The following NEK4 variants were observed in gnomAD, a reference collection of about 807,000 sequenced individuals.
The protein encoded by NEK4 is serine/threonine-protein kinase Nek4.
NEK4 carries 86 observed loss-of-function variants against 98.4 expected under a neutral mutation model. The observed-to-expected ratio is 0.87, with a 90% confidence interval of 0.73 to 1.05. The LOEUF (loss-of-function observed/expected upper bound fraction) is 1.05, where lower values mean the gene tolerates loss of function less well. NEK4 is among the 50% of genes least tolerant of loss of function. NEK4 has a pLI of 0.00. For synonymous variants in NEK4, 328 were observed against 342.2 expected (o/e 0.96, Z 0.46); for missense variants, 898 against 950.3 (o/e 0.94, Z 0.72).
chr3:52,724,858 T>C (rs1423525702), intron 15 of NEK4, among the ~76,000 whole-genome samples: 2 of 152,350 alleles, frequency 1.3e-5, no homozygotes, highest in Admixed American at 6.5e-5. Context: ...GTGACAGATA[T>C]GTTGATTAGC....
intron 15 of NEK4, among the ~76,000 whole-genome samples, chr3:52,718,908 C>T (rs1191097314): frequency 6.6e-6 from 1 of 152,186 alleles, no homozygotes; most frequent in Non-Finnish European, 1.5e-5. Context: ...TAGGCATGCC[C>T]CACCACGCCT....
chr3:52,746,626 A>G, intron 9 of NEK4, 108 bp downstream of exon 9: 1 of 968,672 alleles, frequency 1.0e-6, no homozygotes, highest in Non-Finnish European at 1.6e-6. Context: ...ACCCTTCTGT[A>G]TTATGTTCCT....
intron 6 of NEK4, chr3:52,754,631 G>A (rs1578684628): frequency 1.3e-6 from 1 of 775,616 alleles, no homozygotes. Context: ...TCGCCGGCCT[G>A]TCATAGGTAA....
At chr3:52,723,502 A>C (rs1201022267) in intron 15 of NEK4, among the ~76,000 whole-genome samples, 1 of 152,166 alleles carries the variant, frequency 6.6e-6, no homozygotes, top group East Asian at 1.9e-4. Context: ...TCAGCCTCCC[A>C]AAGTGCTGGG....
rs955955778 is a variant in NEK4 at position 52,710,191 on chromosome 3, T to TCTC, written c.*1583_*1585dup. 1 of 147,226 alleles carries TCTC rather than the reference T, an allele frequency of 6.8e-6. No individual in the cohort carries two copies. The highest frequency in any genetic ancestry group is 2.5e-5 in the African/African-American group (1 of 40,758). The allele number at this position is 147,226 out of a possible 1,614,324, so 9.1% of individuals were successfully genotyped here. Reference sequence around the variant, plus strand: ...TCCTGGCTAACACGGTGAAACCCTGTCTCTACTAAAAAAATACAAAAAAAT... The same window carrying TCTC: ...TCCTGGCTAACACGGTGAAACCCTGTCTCCTCTACTAAAAAAATACAAAAAAAT... On this transcript the variant is annotated 3_prime_UTR_variant, in exon 16 of 16. Coordinates refer to ENST00000233027, the MANE Select transcript of NEK4 (RefSeq NM_003157.6).
chr3:52,751,991 T>C lies in NEK4; in HGVS notation c.1309A>G (p.Lys437Glu), dbSNP rs1358915870. The change falls in exon 7 of 16, where the codon AAG (lysine) becomes GAG (glutamate). Residue 437 changes from lysine (K) to glutamate (E), a missense_variant. Lys to Glu is a moderately conservative substitution (Grantham distance 56). Transcript: ENST00000233027. The part of the protein sequence containing the change: ...MWSSDIVTGE[K>E]NEPVKPLQPL... ...TGCAGAGGCTTCACTGGTTCATTCT[T>C]TTCCCCAGTGACAATGTCAGAGGAC... is the stretch of plus-strand genomic sequence containing the variant. 1.9e-6 allele frequency: 3 copies of C among 1,614,132 alleles called. No individual in the cohort carries two copies. Among genetic ancestry groups the C allele is most frequent in the Non-Finnish European group, 2.5e-6 (3 of 1,179,992 alleles).
chr3:52,752,933 T>TACAC (rs71087017), intron 6 of NEK4, among the ~76,000 whole-genome samples: 4 of 75,574 alleles, frequency 5.3e-5, no homozygotes, highest in South Asian at 3.2e-4. Context: ...TATATATATA[T>TACAC]ACACACACAC....
intron 15 of NEK4, chr3:52,733,581 C>A: frequency 2.0e-6 from 1 of 512,622 alleles, no homozygotes; most frequent in South Asian, 1.4e-5. Context: ...TCAAATAATT[C>A]ATAGTACAGA....
chr3:52,714,150 G>A (rs1168877136), intron 15 of NEK4, among the ~76,000 whole-genome samples: 3 of 152,182 alleles, frequency 2.0e-5, no homozygotes, highest in Non-Finnish European at 4.4e-5. Context: ...GTGGGAGAAT[G>A]ACTTGAGCTG....
At chr3:52,729,180 T>A (rs944713059) in intron 15 of NEK4, among the ~76,000 whole-genome samples, 3 of 152,124 alleles carry the variant, frequency 2.0e-5, no homozygotes, top group Non-Finnish European at 1.5e-5. Flanking sequence ...AAATCCTTAA[T>A]AAAAACTTGC....
At chr3:52,749,981 C>T (rs1020068766) in intron 7 of NEK4, among the ~76,000 whole-genome samples, 152 bp from the exon 8 acceptor site, 3 of 152,104 alleles carry the variant, frequency 2.0e-5, no homozygotes, top group African/African-American at 7.2e-5. Context: ...AAACTGGAAC[C>T]CTCATATATT....
At position 52,710,676 on chromosome 3, in the gene NEK4, C is replaced by G. The variant is rs1451603843; in HGVS notation, c.*1101G>C. ...ACTAGGGAGGCTCAGGCAGGAATAC[C>G]ACTTGAGCCCCAGAAGTGGAGGTTG... On this transcript the variant is annotated 3_prime_UTR_variant, in exon 16 of 16. Transcript: ENST00000233027. 1 of 151,900 alleles carries G rather than the reference C, an allele frequency of 6.6e-6. No homozygotes were observed. The highest frequency in any genetic ancestry group is 1.5e-5 in the Non-Finnish European group (1 of 67,998). The allele number at this position is 151,900 out of a possible 1,614,324, so 9.4% of individuals were successfully genotyped here. A position where few individuals can be genotyped will look rare whatever the true frequency, so the allele number is the denominator to read the frequency against.
At chr3:52,753,903 C>T (rs755162681) in intron 6 of NEK4, 5 of 348,610 alleles carry the variant, frequency 1.4e-5, no homozygotes, top group South Asian at 2.3e-5. Context: ...GGCGCGGTGG[C>T]TCACACCTAT....
intron 5 of NEK4, among the ~76,000 whole-genome samples, chr3:52,761,186 G>C (rs973606623): frequency 6.6e-6 from 1 of 152,100 alleles, no homozygotes; most frequent in African/African-American, 2.4e-5. Flanking sequence ...ACTATATCCT[G>C]GATTGGATCC....
chr3:52,748,279 TA>T (rs1183412138), intron 8 of NEK4, among the ~76,000 whole-genome samples: 6 of 152,112 alleles, frequency 3.9e-5, no homozygotes, highest in Non-Finnish European at 7.4e-5. Context: ...AATTTTTTAA[TA>T]AATTAAAAAG....
intron 15 of NEK4, among the ~76,000 whole-genome samples, chr3:52,730,887 G>A (rs560879259): frequency 7.8e-4 from 118 of 152,236 alleles, no homozygotes; most frequent in African/African-American, 2.6e-3. Context: ...GTGGGGGCAG[G>A]AAATGGGGAA....
chr3:52,758,988 G>A (rs1421415010), intron 6 of NEK4, among the ~76,000 whole-genome samples: 7 of 151,660 alleles, frequency 4.6e-5, no homozygotes, highest in Non-Finnish European at 1.0e-4. Flanking sequence ...TAATCGGAAG[G>A]CTGAGGTAGG....
At chr3:52,736,924 T>C (rs1473095554) in intron 15 of NEK4, among the ~76,000 whole-genome samples, 2 of 152,308 alleles carry the variant, frequency 1.3e-5, no homozygotes, top group East Asian at 3.9e-4. Context: ...TCTCATGTTT[T>C]AGGTAATAGG....
Position 52,741,477 on chromosome 3 carries a change from A to G in NEK4, c.2027T>C (p.Leu676Pro). ...VTQERKQIHC[L>P]SEDELSSSTS... ...AGAAGAACTTAACTCATCCTCAGAC[A>G]GACAATGAATCTGTTTCCTTTCCTA... The change falls in exon 13 of 16, where the codon CTG becomes CCG. Residue 676 changes from leucine to proline, a missense_variant. By Grantham distance (98) the Leu-to-Pro change is moderately conservative. Coordinates refer to ENST00000233027, the MANE Select transcript of NEK4 (RefSeq NM_003157.6). 6.2e-7 allele frequency: 1 copy of G among 1,607,346 alleles called. No individual in the cohort carries two copies. Among genetic ancestry groups the G allele is most frequent in the Non-Finnish European group, 8.5e-7 (1 of 1,173,954 alleles).
Sources: gnomAD v4.1 joint callset for allele counts (sites outside exome capture counted in the v4.1 genomes callset) on GRCh38, gnomAD v4.1.1 for gene constraint, MANE v1.5 for transcripts, NCBI Gene and HGNC (gene_info 2026-07-23, HGNC 2026-07-21) for gene names.